LRIG1: variants seen among roughly 807,000 people sequenced by gnomAD.
The protein encoded by LRIG1 is leucine rich repeats and immunoglobulin like domains 1.
In LRIG1, 48 loss-of-function variants were observed where a neutral mutation model predicts 99.2. The observed-to-expected ratio is 0.48, with a 90% CI of 0.38 to 0.62. The LOEUF (loss-of-function observed/expected upper bound fraction) is 0.62, where lower values mean the gene tolerates loss of function less well. Ranked by LOEUF, LRIG1 falls within the 20% of genes least tolerant of loss-of-function variation. The probability of loss-of-function intolerance (pLI) is 0.00; values close to 1 mark genes in which losing one functional copy is unlikely to be tolerated. For synonymous variants in LRIG1, 772 were observed against 596.1 expected (o/e 1.29, Z -4.30); for missense variants, 1,646 against 1,434.4 (o/e 1.15, Z -2.38).
chr3:66,417,422 C>T (rs1235349925), intron 3 of LRIG1, among the ~76,000 whole-genome samples, 156 bp from the exon 4 acceptor site: 3 of 152,142 alleles, frequency 2.0e-5, no homozygotes, highest in Non-Finnish European at 4.4e-5. Flanking sequence ...CAAGTTATTA[C>T]CTGCTGGCCA....
chr3:66,473,797 C>T (rs1700655891), intron 1 of LRIG1, among the ~76,000 whole-genome samples: 1 of 152,238 alleles, frequency 6.6e-6, no homozygotes, highest in African/African-American at 2.4e-5. Flanking sequence ...CCGTCTGGCC[C>T]ACAGTGAAGT....
At chr3:66,417,297 A>G in intron 3 of LRIG1, 31 bp from the exon 4 acceptor site, 1 of 1,598,974 alleles carries the variant, frequency 6.3e-7, no homozygotes, top group Admixed American at 1.7e-5. Flanking sequence ...TGACTTGAGC[A>G]TCTCTTTTTG....
At chr3:66,475,759 G>A (rs1284664377) in intron 1 of LRIG1, among the ~76,000 whole-genome samples, 9 of 152,188 alleles carry the variant, frequency 5.9e-5, no homozygotes, top group Non-Finnish European at 1.3e-4. Context: ...TCGTCAGGAT[G>A]GTTTATAAGG....
At chr3:66,432,603 G>A (rs1001753961) in intron 3 of LRIG1, among the ~76,000 whole-genome samples, 1 of 152,142 alleles carries the variant, frequency 6.6e-6, no homozygotes, top group African/African-American at 2.4e-5. Context: ...GCTAAGGCAC[G>A]GAAAGGTCAA....
rs758775560 is a variant in LRIG1, at chr3:66,383,315, G to A, written c.2158C>T (p.Pro720Ser). 2.5e-6 allele frequency: 4 copies of A among 1,604,764 alleles called. No homozygotes were observed. Among genetic ancestry groups the A allele is most frequent in the African/African-American group, 1.3e-5 (1 of 74,784 alleles). ...VALQCKATGN[P>S]PPRITWFKGD... is the part of the protein sequence containing the mutation. ...TTGAACCAGGTGATGCGGGGCGGAGGGTTCCCCGTGGCTTTGCATTGGAGG... is the reference window on the plus strand; with the variant it reads ...TTGAACCAGGTGATGCGGGGCGGAGAGTTCCCCGTGGCTTTGCATTGGAGG... The change falls in exon 15 of 19, where the codon CCT becomes TCT. Residue 720 changes from proline (P) to serine (S), a missense_variant. Coordinates refer to ENST00000273261, the MANE Select transcript of LRIG1 (RefSeq NM_015541.3).
intron 4 of LRIG1, 60 bp from the exon 5 acceptor site, chr3:66,415,123 T>C (rs1421499458): frequency 9.8e-6 from 15 of 1,528,368 alleles, no homozygotes; most frequent in African/African-American, 4.1e-5. Context: ...CATTTCATTA[T>C]AGACACCAGA....
chr3:66,472,113 G>A (rs1262185335), intron 1 of LRIG1, among the ~76,000 whole-genome samples: 1 of 151,958 alleles, frequency 6.6e-6, no homozygotes, highest in Non-Finnish European at 1.5e-5. Flanking sequence ...GACCATCCTG[G>A]CTAACACGAT....
intron 5 of LRIG1, among the ~76,000 whole-genome samples, chr3:66,414,585 T>A (rs981711190): frequency 2.6e-5 from 4 of 151,924 alleles, no homozygotes; most frequent in African/African-American, 9.7e-5. Flanking sequence ...CTTAAAAAAA[T>A]ACAGAAAAAC....
chr3:66,398,859 C>A, intron 10 of LRIG1, 111 bp downstream of exon 10: 1 of 870,014 alleles, frequency 1.1e-6, no homozygotes, highest in South Asian at 1.5e-5. Context: ...GCTGGTGTTT[C>A]CAAATAGCCT....
intron 3 of LRIG1, among the ~76,000 whole-genome samples, chr3:66,435,396 TAAAAACA>T (rs72369408): frequency 0.13 from 19,408 of 151,758 alleles, 1,406 homozygotes; most frequent in Non-Finnish European, 0.17. Flanking sequence ...CCATCTCTAC[TAAAAACA>T]AAAAACAAAA....
chr3:66,449,598 C>A (rs1703835649), intron 3 of LRIG1, among the ~76,000 whole-genome samples: 1 of 152,218 alleles, frequency 6.6e-6, no homozygotes, highest in Non-Finnish European at 1.5e-5. Flanking sequence ...GCCCGTGGGG[C>A]AAACTGGGGG....
At chr3:66,396,172 G>A (rs574593677) in intron 11 of LRIG1, among the ~76,000 whole-genome samples, 2 of 152,214 alleles carry the variant, frequency 1.3e-5, no homozygotes, top group Non-Finnish European at 2.9e-5. Context: ...ACTCCAGGAA[G>A]ACAGTGGGTA....
chr3:66,403,613 G>A (rs1702145303), intron 9 of LRIG1, among the ~76,000 whole-genome samples: 1 of 152,164 alleles, frequency 6.6e-6, no homozygotes, highest in Non-Finnish European at 1.5e-5. Flanking sequence ...AAAGCACCAG[G>A]GCACAGAGGG....
chr3:66,406,050 T>C (rs1483107272), intron 8 of LRIG1: 24 of 986,190 alleles, frequency 2.4e-5, no homozygotes, highest in Admixed American at 6.2e-5. Context: ...TCTTAAATTT[T>C]CCCCCCGAGC....
intron 12 of LRIG1, among the ~76,000 whole-genome samples, chr3:66,389,010 A>T (rs1701512292): frequency 6.6e-6 from 1 of 152,212 alleles, no homozygotes; most frequent in South Asian, 2.1e-4. Flanking sequence ...GATTTAAAAG[A>T]CAACTACATA....
At chr3:66,396,384 G>T (rs1393356001) in intron 11 of LRIG1, among the ~76,000 whole-genome samples, 2 of 152,204 alleles carry the variant, frequency 1.3e-5, no homozygotes, top group Non-Finnish European at 2.9e-5. Context: ...GGCTCACATG[G>T]TGCATTTTCA....
At chr3:66,413,173 C>T (rs1291704222) in intron 5 of LRIG1, among the ~76,000 whole-genome samples, 159 bp from the exon 6 acceptor site, 4 of 152,184 alleles carry the variant, frequency 2.6e-5, no homozygotes, top group African/African-American at 9.7e-5. Flanking sequence ...CCATGTGTCT[C>T]GGCTGCCATG....
At chr3:66,434,753 A>AT (rs1703292078) in intron 3 of LRIG1, among the ~76,000 whole-genome samples, 2 of 138,866 alleles carry the variant, frequency 1.4e-5, no homozygotes, top group East Asian at 2.0e-4. Context: ...TCTCAAAAAA[A>AT]TTAAAAAAAA....
intron 3 of LRIG1, among the ~76,000 whole-genome samples, chr3:66,429,787 G>GT (rs1703098334): frequency 4.7e-5 from 7 of 149,330 alleles, no homozygotes; most frequent in East Asian, 3.9e-4. Flanking sequence ...AAACAGGGTG[G>GT]GTGTGTGTGT....
Sources: gnomAD v4.1 joint callset for allele counts (sites outside exome capture counted in the v4.1 genomes callset) on GRCh38, gnomAD v4.1.1 for gene constraint, MANE v1.5 for transcripts, NCBI Gene and HGNC (gene_info 2026-07-23, HGNC 2026-07-21) for gene names.